NBEA: variants seen among roughly 807,000 people sequenced by gnomAD.
NBEA encodes the protein neurobeachin.
Under a neutral mutation model 343.4 loss-of-function variants are expected in NBEA, and 44 were observed. That is an observed-to-expected ratio of 0.13 (90% CI 0.10 to 0.16). The LOEUF (loss-of-function observed/expected upper bound fraction) is 0.16. Among genes scored for constraint, NBEA ranks in the 10% least tolerant of loss-of-function variants. NBEA has a pLI of 1.00. For missense variants in NBEA, 2,555 were observed against 3,631.3 expected (o/e 0.70, Z 7.62); for synonymous variants, 1,175 against 1,238.7 (o/e 0.95, Z 1.08).
chr13:35,467,544 C>G (rs2075440513), intron 40 of NBEA, among the ~76,000 whole-genome samples: 1 of 151,434 alleles, frequency 6.6e-6, no homozygotes, highest in Non-Finnish European at 1.5e-5. Flanking sequence ...TGAATTATTT[C>G]CCTACAATGT....
At chr13:35,443,271 A>C (rs1251983567) in intron 39 of NBEA, among the ~76,000 whole-genome samples, 1 of 152,092 alleles carries the variant, frequency 6.6e-6, no homozygotes, top group East Asian at 1.9e-4. Flanking sequence ...AAATTACGTA[A>C]GATGCTGTAC....
At chr13:35,266,931 A>G (rs1181991686) in intron 34 of NBEA, among the ~76,000 whole-genome samples, 1 of 151,696 alleles carries the variant, frequency 6.6e-6, no homozygotes, top group Non-Finnish European at 1.5e-5. Context: ...TTGATAACAT[A>G]AAGTAAATTA....
chr13:35,223,014 C>G (rs2074455654), intron 33 of NBEA, among the ~76,000 whole-genome samples: 1 of 152,004 alleles, frequency 6.6e-6, no homozygotes, highest in Admixed American at 6.6e-5. Context: ...GCCTGTAATC[C>G]CAGCTACTCC....
At chr13:35,293,468 T>A (rs2035925284) in intron 35 of NBEA, among the ~76,000 whole-genome samples, 1 of 152,018 alleles carries the variant, frequency 6.6e-6, no homozygotes, top group Admixed American at 6.6e-5. Flanking sequence ...ATTGGTTTCA[T>A]ATCATTTTGA....
chr13:35,057,694 G>T (rs2063321646), intron 7 of NBEA, among the ~76,000 whole-genome samples: 1 of 152,164 alleles, frequency 6.6e-6, no homozygotes, highest in Admixed American at 6.6e-5. Context: ...TTATTATAGA[G>T]TGGAGGAAAT....
chr13:35,334,580 T>G (rs1005349962), intron 36 of NBEA, among the ~76,000 whole-genome samples: 1 of 152,182 alleles, frequency 6.6e-6, no homozygotes, highest in African/African-American at 2.4e-5. Flanking sequence ...TCGTTGTAGT[T>G]TTGGTTTGCA....
intron 38 of NBEA, among the ~76,000 whole-genome samples, chr13:35,393,288 T>G (rs982056692): frequency 6.6e-6 from 1 of 152,116 alleles, no homozygotes; most frequent in Non-Finnish European, 1.5e-5. Flanking sequence ...GGTAGACAAC[T>G]AAATGTAAAA....
intron 1 of NBEA, among the ~76,000 whole-genome samples, chr13:34,995,176 G>T (rs901584873): frequency 6.6e-6 from 1 of 152,170 alleles, no homozygotes; most frequent in Non-Finnish European, 1.5e-5. Context: ...AAACTGGCTG[G>T]GTGTGGTGGC....
chr13:35,258,005 AT>A (rs2032812984), intron 34 of NBEA, among the ~76,000 whole-genome samples: 1 of 152,010 alleles, frequency 6.6e-6, no homozygotes, highest in Non-Finnish European at 1.5e-5. Context: ...AATATTTATT[AT>A]TTTTATTTGT....
At chr13:35,318,586 G>A (rs1487193887) in intron 36 of NBEA, among the ~76,000 whole-genome samples, 1 of 152,160 alleles carries the variant, frequency 6.6e-6, no homozygotes, top group Non-Finnish European at 1.5e-5. Context: ...TCTCTGCCAG[G>A]TTTTGGTATC....
At chr13:35,065,742 C>T (rs1184197910) in intron 8 of NBEA, among the ~76,000 whole-genome samples, 4 of 152,084 alleles carry the variant, frequency 2.6e-5, no homozygotes, top group Non-Finnish European at 5.9e-5. Flanking sequence ...CTATCCCAGT[C>T]AGTTTTTTTC....
At chr13:35,016,395 A>G (rs1222816050) in intron 1 of NBEA, among the ~76,000 whole-genome samples, 2 of 152,204 alleles carry the variant, frequency 1.3e-5, no homozygotes, top group Admixed American at 6.5e-5. Flanking sequence ...TATACATTGT[A>G]GTAATTAATT....
At chr13:35,301,555 A>G (rs193272077) in intron 35 of NBEA, among the ~76,000 whole-genome samples, 1 of 152,220 alleles carries the variant, frequency 6.6e-6, no homozygotes, top group Admixed American at 6.5e-5. Context: ...TCCGTGGTGT[A>G]TATGTGCCAC....
chr13:35,496,061 A>G lies in NBEA; in HGVS notation c.6585+23525A>G, dbSNP rs889479976. Among the ~76,000 whole-genome samples the G allele has an allele frequency of 3.3e-5, 5 of 152,154 alleles. No homozygotes were observed. In the South Asian group the frequency reaches 1.0e-3, roughly 32 times the overall value. On this transcript the variant is annotated intron_variant, in intron 41 of 58. Transcript: ENST00000379939. ...ATGTATACATGACCTTCCAGAGGAC[A>G]CAAGTAAGATAATTGGGTGGAAGTT...
intron 48 of NBEA, among the ~76,000 whole-genome samples, chr13:35,608,580 C>T (rs764153799): frequency 1.3e-5 from 2 of 152,126 alleles, no homozygotes; most frequent in Non-Finnish European, 2.9e-5. Flanking sequence ...ACTAGTTGTT[C>T]AGGAAATATT....
intron 34 of NBEA, among the ~76,000 whole-genome samples, chr13:35,246,046 A>T (rs1226005167): frequency 2.0e-5 from 3 of 151,854 alleles, no homozygotes; most frequent in Non-Finnish European, 4.4e-5. Context: ...TCAAGCTCTA[A>T]ATTTGTTTCT....
At chr13:35,000,098 A>G (rs145205495) in intron 1 of NBEA, among the ~76,000 whole-genome samples, 78 of 152,286 alleles carry the variant, frequency 5.1e-4, no homozygotes, top group Non-Finnish European at 8.1e-4. Context: ...GTAATGTCCT[A>G]TCCAGACATT....
chr13:35,107,237 C>T (rs951686486), intron 11 of NBEA, among the ~76,000 whole-genome samples: 10 of 151,608 alleles, frequency 6.6e-5, no homozygotes, highest in African/African-American at 2.4e-4. Context: ...AATATGATTA[C>T]CCGATCTTTA....
chr13:35,005,853 T>C (rs1190760594), intron 1 of NBEA, among the ~76,000 whole-genome samples: 1 of 152,202 alleles, frequency 6.6e-6, no homozygotes, highest in Non-Finnish European at 1.5e-5. Context: ...TGCATAATTA[T>C]TTTAGGCTTC....
Sources: gnomAD v4.1 joint callset for allele counts (sites outside exome capture counted in the v4.1 genomes callset) on GRCh38, gnomAD v4.1.1 for gene constraint, MANE v1.5 for transcripts, NCBI Gene and HGNC (gene_info 2026-07-23, HGNC 2026-07-21) for gene names.